The following ASAP1 variants were observed in gnomAD, a reference collection of about 807,000 sequenced individuals.
ASAP1 encodes ArfGAP with SH3 domain, ankyrin repeat and PH domain 1, also known as arf-GAP with SH3 domain, ANK repeat and PH domain-containing protein 1.
Under a neutral mutation model 145.2 loss-of-function variants are expected in ASAP1, and 43 were observed. That is an observed-to-expected ratio of 0.30 (90% CI 0.23 to 0.38). ASAP1 has a LOEUF of 0.38. Among genes scored for constraint, ASAP1 ranks in the 10% least tolerant of loss-of-function variants. The pLI is 1.00. For synonymous variants in ASAP1, 546 were observed against 515.5 expected, an observed-to-expected ratio of 1.06 and a Z score of -0.80; for missense variants, 1,018 against 1,355.3, an observed-to-expected ratio of 0.75 and a Z score of 3.91.
At chr8:130,072,822 T>TGTGTGTGTGTGTGTGCGCGTGTGC (rs1554816353) in intron 27 of ASAP1, among the ~76,000 whole-genome samples, 1,052 of 25,738 alleles carry the variant, frequency 0.041, 29 homozygotes, top group East Asian at 0.069. Flanking sequence ...TGTGTGTGTG[T>TGTGTGTGTGTGTGTGCGCGTGTGC]GTGCGCGCGG....
chr8:130,191,118 A>G (rs1217108843), intron 5 of ASAP1, among the ~76,000 whole-genome samples: 1 of 151,590 alleles, frequency 6.6e-6, no homozygotes, highest in Non-Finnish European at 1.5e-5. Flanking sequence ...TGGCACAAAG[A>G]GGAATCTACA....
intron 2 of ASAP1, among the ~76,000 whole-genome samples, chr8:130,367,988 A>G (rs958722473): frequency 6.6e-6 from 1 of 152,114 alleles, no homozygotes. Flanking sequence ...TTTCTTCTTA[A>G]CATATGCTAT....
At chr8:130,168,869 G>C (rs1353385479) in intron 10 of ASAP1, 123 bp downstream of exon 10, 2 of 607,092 alleles carry the variant, frequency 3.3e-6, no homozygotes, top group African/African-American at 3.7e-5. Context: ...ATCTGTCCTA[G>C]GTTTGTACAG....
At chr8:130,405,019 T>C (rs1388841625) in intron 1 of ASAP1, among the ~76,000 whole-genome samples, 1 of 151,730 alleles carries the variant, frequency 6.6e-6, no homozygotes, top group Non-Finnish European at 1.5e-5. Context: ...AACCAACCCA[T>C]AGATCCTTGA....
intron 5 of ASAP1, among the ~76,000 whole-genome samples, chr8:130,212,796 T>A (rs574973953): frequency 6.6e-6 from 1 of 152,192 alleles, no homozygotes; most frequent in African/African-American, 2.4e-5. Flanking sequence ...ATGGCACATA[T>A]ACACACAGTT....
chr8:130,257,769 G>C (rs1303344094), intron 3 of ASAP1, among the ~76,000 whole-genome samples: 1 of 140,370 alleles, frequency 7.1e-6, no homozygotes, highest in African/African-American at 2.6e-5. Flanking sequence ...TTTCTAAACT[G>C]ATTTGGACTC....
intron 26 of ASAP1, among the ~76,000 whole-genome samples, chr8:130,078,626 T>C (rs2097470395): frequency 6.6e-6 from 1 of 152,070 alleles, no homozygotes; most frequent in Admixed American, 6.5e-5. Flanking sequence ...TCAGATATTC[T>C]CCTCACTCTG....
At chr8:130,364,995 T>C (rs1379064246) in intron 2 of ASAP1, among the ~76,000 whole-genome samples, 3 of 152,160 alleles carry the variant, frequency 2.0e-5, no homozygotes, top group Admixed American at 6.5e-5. Context: ...AAACACCTTG[T>C]ATCTTCCAAG....
At chr8:130,308,715 A>T (rs1823140729) in intron 3 of ASAP1, among the ~76,000 whole-genome samples, 1 of 152,188 alleles carries the variant, frequency 6.6e-6, no homozygotes, top group Admixed American at 6.5e-5. Context: ...CTCCCTCAGT[A>T]CATATCAACT....
chr8:130,200,506 G>A (rs1300865921), intron 5 of ASAP1, among the ~76,000 whole-genome samples: 1 of 151,922 alleles, frequency 6.6e-6, no homozygotes, highest in Admixed American at 6.6e-5. Context: ...TGTTATCGGT[G>A]GAAAACCACA....
chr8:130,238,816 T>C (rs1226434289), intron 3 of ASAP1, among the ~76,000 whole-genome samples: 2 of 152,060 alleles, frequency 1.3e-5, no homozygotes, highest in African/African-American at 2.4e-5. Context: ...TCTACACTTA[T>C]ATCTACCAAA....
intron 3 of ASAP1, among the ~76,000 whole-genome samples, chr8:130,272,437 T>G (rs557001712): frequency 2.2e-4 from 33 of 152,098 alleles, no homozygotes; most frequent in African/African-American, 7.5e-4. Flanking sequence ...AGTATGGAGA[T>G]CTCTCAAAAA....
chr8:130,249,095 G>A (rs1819037796), intron 3 of ASAP1, among the ~76,000 whole-genome samples: 1 of 151,982 alleles, frequency 6.6e-6, no homozygotes, highest in Admixed American at 6.6e-5. Flanking sequence ...CCATTCCAAG[G>A]GCTCCTGTCT....
chr8:130,417,718 G>A (rs1472909887), intron 1 of ASAP1, among the ~76,000 whole-genome samples: 3 of 152,146 alleles, frequency 2.0e-5, no homozygotes, highest in Non-Finnish European at 2.9e-5. Context: ...AGGGCTCAGA[G>A]GATGTGGTCA....
chr8:130,174,983 A>G (rs1444768061), intron 9 of ASAP1, among the ~76,000 whole-genome samples: 1 of 152,206 alleles, frequency 6.6e-6, no homozygotes, highest in Non-Finnish European at 1.5e-5. Context: ...TATTTAAATA[A>G]TTCTATGCTT....
chr8:130,208,901 GTCATT>G (rs1251383594), intron 5 of ASAP1, among the ~76,000 whole-genome samples: 4 of 152,032 alleles, frequency 2.6e-5, no homozygotes, highest in Non-Finnish European at 4.4e-5. Context: ...CTTAGAACAT[GTCATT>G]TCATCTATTT....
intron 11 of ASAP1, among the ~76,000 whole-genome samples, chr8:130,161,881 G>T (rs942732317): frequency 6.6e-6 from 1 of 152,088 alleles, no homozygotes; most frequent in South Asian, 2.1e-4. Flanking sequence ...GCTCACTGCG[G>T]CCTGAACCTC....
intron 4 of ASAP1, among the ~76,000 whole-genome samples, chr8:130,231,740 T>G (rs1486461676): frequency 6.6e-6 from 1 of 152,248 alleles, no homozygotes; most frequent in East Asian, 1.9e-4. Context: ...CAACTCAGTA[T>G]ACCCACGCTT....
chr8:130,136,951 G>A lies in ASAP1; in HGVS notation c.1168C>T (p.His390Tyr), dbSNP rs560247959. ...ACTCAGAGAGAGAAAAAGGACTCAC[G>A]TGATATCAGGTCAAAAGATTTTTTG... ...EDKKSFDLIS[H>Y]NRTYHFQAED... The change falls in exon 14 of 30, where the codon CAT (histidine) becomes TAT (tyrosine). Residue 390 changes from histidine to tyrosine, a missense_variant and splice_region_variant. Physicochemically the swap from His to Tyr is moderately conservative, Grantham distance 83. Transcript: ENST00000518721. The A allele has an allele frequency of 2.5e-6, 4 of 1,613,584 alleles. No individual in the cohort carries two copies. The highest frequency in any genetic ancestry group is 1.3e-5 in the African/African-American group (1 of 75,032).
Sources: allele counts gnomAD v4.1 joint callset (sites outside exome capture counted in the v4.1 genomes callset), GRCh38; gene constraint gnomAD v4.1.1; transcripts MANE v1.5; gene names NCBI Gene and HGNC (gene_info 2026-07-23, HGNC 2026-07-21).